COLEC12: variants seen among roughly 807,000 people sequenced by gnomAD.
COLEC12 encodes collectin subfamily member 12, also known as collectin-12.
Under a neutral mutation model 71.1 loss-of-function variants are expected in COLEC12, and 33 were observed. The observed-to-expected ratio is 0.46, with a 90% CI of 0.35 to 0.62. COLEC12 has a LOEUF of 0.62. Ranked by LOEUF, COLEC12 falls within the 20% of genes least tolerant of loss-of-function variation. COLEC12 has a pLI of 0.00. For synonymous variants in COLEC12, 350 were observed against 353.0 expected, an observed-to-expected ratio of 0.99 and a Z score of 0.10; for missense variants, 765 against 916.1, an observed-to-expected ratio of 0.84 and a Z score of 2.13.
chr18:437,392 C>A (rs2143686779), intron 2 of COLEC12, among the ~76,000 whole-genome samples: 1 of 152,282 alleles, frequency 6.6e-6, no homozygotes, highest in South Asian at 2.1e-4. Flanking sequence ...CTCTAAAATT[C>A]TTTCACCTGC....
At chr18:488,911 A>G (rs1363335513) in intron 1 of COLEC12, among the ~76,000 whole-genome samples, 1 of 152,046 alleles carries the variant, frequency 6.6e-6, no homozygotes, top group Non-Finnish European at 1.5e-5. Flanking sequence ...ATCAATTTAG[A>G]GGGTCCAATG....
At chr18:390,735 G>T (rs564189054) in intron 2 of COLEC12, among the ~76,000 whole-genome samples, 1 of 152,174 alleles carries the variant, frequency 6.6e-6, no homozygotes, top group African/African-American at 2.4e-5. Context: ...ACTCCAGCCT[G>T]GGCCACAAAG....
chr18:498,084 T>G (rs1186468376), intron 1 of COLEC12, among the ~76,000 whole-genome samples: 2 of 152,220 alleles, frequency 1.3e-5, no homozygotes, highest in Non-Finnish European at 1.5e-5. Flanking sequence ...AAGGCTTGTC[T>G]TTAGATGCCT....
At chr18:405,576 T>A (rs1330838786) in intron 2 of COLEC12, among the ~76,000 whole-genome samples, 2 of 152,170 alleles carry the variant, frequency 1.3e-5, no homozygotes, top group Admixed American at 1.3e-4. Flanking sequence ...GTTGAAATAT[T>A]GGGGGCAGGT....
chr18:434,572 A>G (rs977683695), intron 2 of COLEC12, among the ~76,000 whole-genome samples: 1 of 152,174 alleles, frequency 6.6e-6, no homozygotes, highest in African/African-American at 2.4e-5. Flanking sequence ...TCCTTCTGAC[A>G]GTTCTTTGTC....
intron 2 of COLEC12, among the ~76,000 whole-genome samples, chr18:416,493 T>C (rs1337538926): frequency 6.6e-6 from 1 of 152,222 alleles, no homozygotes; most frequent in Admixed American, 6.5e-5. Context: ...TTTGGTTAAA[T>C]GGCTTGTTAT....
intron 2 of COLEC12, among the ~76,000 whole-genome samples, chr18:378,103 C>A (rs1307171726): frequency 6.6e-6 from 1 of 152,146 alleles, no homozygotes; most frequent in South Asian, 2.1e-4. Context: ...AAGGATACCC[C>A]CTGCTGCTGC....
At chr18:441,186 T>C (rs895746863) in intron 2 of COLEC12, among the ~76,000 whole-genome samples, 1 of 149,242 alleles carries the variant, frequency 6.7e-6, no homozygotes, top group South Asian at 2.2e-4. Context: ...AGGCGGAGCT[T>C]GCAGTGAGCC....
chr18:488,013 C>A lies in COLEC12; in HGVS notation c.8-7256G>T, dbSNP rs560211203. ...CAATTGAGAGGAAATCTACATTATG[C>A]AGGAAAATTAATACCTCAGAAAAAA... On this transcript the variant is annotated intron_variant, in intron 1 of 9. Coordinates refer to ENST00000400256, the MANE Select transcript of COLEC12 (RefSeq NM_130386.3). 2.6e-5 allele frequency among the ~76,000 whole-genome samples: 4 copies of A among 152,236 alleles called. No homozygotes were observed. In the South Asian group the frequency reaches 8.3e-4, roughly 32 times the overall value.
intron 2 of COLEC12, among the ~76,000 whole-genome samples, chr18:359,798 T>C (rs943439042): frequency 6.6e-6 from 1 of 152,234 alleles, no homozygotes; most frequent in African/African-American, 2.4e-5. Context: ...AGGACTGATC[T>C]ATAACTGTGC....
intron 2 of COLEC12, among the ~76,000 whole-genome samples, chr18:476,334 T>C (rs1917302850): frequency 6.6e-6 from 1 of 152,360 alleles, no homozygotes; most frequent in East Asian, 1.9e-4. Context: ...ATAATTCCTA[T>C]GCCTGAGCCC....
intron 2 of COLEC12, among the ~76,000 whole-genome samples, chr18:466,430 GCT>G (rs1425460125): frequency 6.6e-6 from 1 of 152,030 alleles, no homozygotes; most frequent in Non-Finnish European, 1.5e-5. Flanking sequence ...GACTATCCGT[GCT>G]CTGTTTCCTG....
intron 2 of COLEC12, among the ~76,000 whole-genome samples, chr18:409,904 G>A (rs1034026795): frequency 1.3e-5 from 2 of 152,182 alleles, no homozygotes; most frequent in African/African-American, 4.8e-5. Flanking sequence ...TCCTCATTGC[G>A]CTAATGGGCT....
chr18:331,953 TG>T (rs1222560359), intron 7 of COLEC12, among the ~76,000 whole-genome samples, 176 bp from the exon 8 acceptor site: 4 of 152,216 alleles, frequency 2.6e-5, no homozygotes, highest in African/African-American at 7.2e-5. Flanking sequence ...TTGTGCTGTT[TG>T]GGGGGCTTTG....
At chr18:376,149 T>G (rs1915108168) in intron 2 of COLEC12, among the ~76,000 whole-genome samples, 1 of 152,170 alleles carries the variant, frequency 6.6e-6, no homozygotes, top group African/African-American at 2.4e-5. Flanking sequence ...AAATCCATTC[T>G]TTCTGGAACA....
intron 2 of COLEC12, among the ~76,000 whole-genome samples, chr18:361,496 C>T (rs1269566973): frequency 2.0e-5 from 3 of 151,988 alleles, no homozygotes; most frequent in African/African-American, 7.3e-5. Context: ...AGGAAAAAAA[C>T]AAAACAACAA....
intron 2 of COLEC12, among the ~76,000 whole-genome samples, chr18:358,539 C>A (rs975875480): frequency 2.0e-5 from 3 of 152,138 alleles, no homozygotes; most frequent in African/African-American, 4.8e-5. Flanking sequence ...ACAGGATTCG[C>A]GCTTCTTTGA....
intron 2 of COLEC12, among the ~76,000 whole-genome samples, chr18:447,544 C>T (rs972958786): frequency 1.3e-5 from 2 of 152,190 alleles, no homozygotes; most frequent in Non-Finnish European, 2.9e-5. Flanking sequence ...AACAGATCCA[C>T]CATACAGGCA....
chr18:435,405 C>T (rs943003332), intron 2 of COLEC12, among the ~76,000 whole-genome samples: 1 of 152,132 alleles, frequency 6.6e-6, no homozygotes, highest in Non-Finnish European at 1.5e-5. Flanking sequence ...AGGGGAAATG[C>T]CAGATGCTTA....
Sources: gnomAD v4.1 joint callset for allele counts (sites outside exome capture counted in the v4.1 genomes callset) on GRCh38, gnomAD v4.1.1 for gene constraint, MANE v1.5 for transcripts, NCBI Gene and HGNC (gene_info 2026-07-23, HGNC 2026-07-21) for gene names.